Variants in NRXN1 observed in about 807,000 individuals in gnomAD.
NRXN1 encodes the protein neurexin 1.
Under a neutral mutation model 150.9 loss-of-function variants are expected in NRXN1, and 39 were observed. The observed-to-expected ratio is 0.26, with a 90% CI of 0.20 to 0.34. The LOEUF is 0.34. NRXN1 is among the 10% of genes least tolerant of loss of function. The probability of loss-of-function intolerance (pLI) is 1.00; values close to 1 mark genes in which losing one functional copy is unlikely to be tolerated. For missense variants in NRXN1, 1,815 were observed against 1,949.9 expected, an observed-to-expected ratio of 0.93 and a Z score of 1.30; for synonymous variants, 924 against 757.0, an observed-to-expected ratio of 1.22 and a Z score of -3.62.
At chr2:50,403,620 G>A (rs2082542492) in intron 17 of NRXN1, among the ~76,000 whole-genome samples, 1 of 152,004 alleles carries the variant, frequency 6.6e-6, no homozygotes, top group Admixed American at 6.6e-5. Context: ...ATTTTTATGA[G>A]CCTCAAAAGA....
intron 5 of NRXN1, among the ~76,000 whole-genome samples, chr2:50,840,094 C>G (rs951795941): frequency 6.6e-6 from 1 of 152,092 alleles, no homozygotes; most frequent in Non-Finnish European, 1.5e-5. Flanking sequence ...TTAATAACTC[C>G]TCCTGTAATT....
intron 21 of NRXN1, among the ~76,000 whole-genome samples, chr2:49,993,893 A>T (rs1682466390): frequency 1.3e-5 from 2 of 152,144 alleles, no homozygotes; most frequent in African/African-American, 4.8e-5. Flanking sequence ...GTATCTCTTG[A>T]AGAACTCTTA....
chr2:50,144,311 T>C lies in NRXN1; in HGVS notation c.3547-52817A>G, dbSNP rs118142784. 4.2e-4 allele frequency among the ~76,000 whole-genome samples: 64 copies of C among 151,974 alleles called. No homozygotes were observed. In the East Asian group the frequency reaches 0.012, roughly 29 times the overall value. ...CTTAGTTTCAAGCCCTACCTGAGCC[T>C]TGCCCACGCTACCACCACTCTGTCT... On this transcript the variant is annotated intron_variant, in intron 18 of 22. Transcript: ENST00000401669.
chr2:50,369,133 C>T (rs964907338), intron 17 of NRXN1, among the ~76,000 whole-genome samples: 5 of 151,876 alleles, frequency 3.3e-5, no homozygotes, highest in Non-Finnish European at 7.4e-5. Flanking sequence ...AGAAAATAGA[C>T]TTATGGCTAT....
intron 2 of NRXN1, among the ~76,000 whole-genome samples, chr2:51,025,535 T>G (rs1355434600): frequency 6.6e-6 from 1 of 152,202 alleles, no homozygotes; most frequent in East Asian, 1.9e-4. Context: ...CATATTTGTT[T>G]CCTAATTTAA....
intron 18 of NRXN1, among the ~76,000 whole-genome samples, chr2:50,147,321 T>G (rs186892901): frequency 3.3e-5 from 5 of 151,900 alleles, no homozygotes; most frequent in African/African-American, 1.2e-4. Context: ...GCATTATCTT[T>G]ATCTGTATAG....
chr2:50,631,236 G>C (rs1451348559), intron 5 of NRXN1: 1 of 384,690 alleles, frequency 2.6e-6, no homozygotes, highest in Non-Finnish European at 5.1e-6. Context: ...GAGTAATCAA[G>C]ATTTATAAAA....
chr2:50,516,395 GC>G (rs1434513619), intron 12 of NRXN1, among the ~76,000 whole-genome samples: 2 of 152,116 alleles, frequency 1.3e-5, no homozygotes, highest in Non-Finnish European at 2.9e-5. Flanking sequence ...TATTTTTGAT[GC>G]TTCCTTTAGT....
chr2:50,959,201 G>A (rs561996349), intron 2 of NRXN1, among the ~76,000 whole-genome samples: 1 of 151,990 alleles, frequency 6.6e-6, no homozygotes, highest in Non-Finnish European at 1.5e-5. Context: ...CAGTCTGGTA[G>A]GTTCTTAAAA....
At chr2:50,966,654 T>A (rs538443922) in intron 2 of NRXN1, among the ~76,000 whole-genome samples, 1 of 151,942 alleles carries the variant, frequency 6.6e-6, no homozygotes, top group African/African-American at 2.4e-5. Context: ...GCCCATTTGA[T>A]AAAATTGAGA....
At position 50,966,532 on chromosome 2, in the gene NRXN1, G is replaced by C. The variant is rs1375976006; in HGVS notation, c.773-40577C>G. Among the ~76,000 whole-genome samples the C allele has an allele frequency of 1.5e-4, 23 of 151,754 alleles. No homozygotes were observed. In the East Asian group the frequency reaches 4.4e-3, roughly 29 times the overall value. ...AGAGCACAATCTTCAACTCTCTTCA[G>C]GTTAGATGCTTTAATGGGCATTACA... On this transcript the variant is annotated intron_variant, in intron 2 of 22. Transcript: ENST00000401669.
At chr2:50,975,287 C>T (rs999129634) in intron 2 of NRXN1, among the ~76,000 whole-genome samples, 23 of 152,144 alleles carry the variant, frequency 1.5e-4, no homozygotes, top group Admixed American at 2.6e-4. Context: ...CTTTGGGTCT[C>T]TCAGTAATAT....
intron 2 of NRXN1, among the ~76,000 whole-genome samples, chr2:50,950,988 C>T (rs577621641): frequency 9.2e-5 from 14 of 152,276 alleles, no homozygotes; most frequent in African/African-American, 3.4e-4. Flanking sequence ...TGGAAAATGG[C>T]AGTGGACTGA....
At chr2:50,465,641 T>C in intron 16 of NRXN1, 80 bp from the exon 17 acceptor site, 1 of 1,422,502 alleles carries the variant, frequency 7.0e-7, no homozygotes, top group Non-Finnish European at 9.5e-7. Flanking sequence ...TCACATGTAG[T>C]AGTTGCCAAC....
chr2:50,602,372 A>C (rs1676419850), intron 8 of NRXN1, among the ~76,000 whole-genome samples: 1 of 151,054 alleles, frequency 6.6e-6, no homozygotes, highest in African/African-American at 2.4e-5. Flanking sequence ...ACTGAAAGTT[A>C]GGTGTCTCTA....
At chr2:50,751,735 G>A (rs561946136) in intron 5 of NRXN1, among the ~76,000 whole-genome samples, 182 of 152,010 alleles carry the variant, frequency 1.2e-3, no homozygotes, top group Non-Finnish European at 2.2e-3. Flanking sequence ...CTTACCCATG[G>A]CCAGGAAGAA....
intron 17 of NRXN1, among the ~76,000 whole-genome samples, chr2:50,330,098 A>G (rs2076739446): frequency 6.6e-6 from 1 of 152,166 alleles, no homozygotes; most frequent in Non-Finnish European, 1.5e-5. Context: ...GGAAATTAAT[A>G]TCAACAAAAG....
At chr2:50,093,932 C>A (rs185669313) in intron 18 of NRXN1, among the ~76,000 whole-genome samples, 144 of 152,298 alleles carry the variant, frequency 9.5e-4, no homozygotes, top group African/African-American at 3.3e-3. Context: ...GAGTTTAGGA[C>A]TGTTGTGCCA....
chr2:50,964,738 A>G (rs1693781023), intron 2 of NRXN1, among the ~76,000 whole-genome samples: 1 of 151,476 alleles, frequency 6.6e-6, no homozygotes, highest in South Asian at 2.1e-4. Context: ...TTCAGGTGGA[A>G]TTTTACCTTG....
Sources: gnomAD v4.1 joint callset for allele counts (sites outside exome capture counted in the v4.1 genomes callset) on GRCh38, gnomAD v4.1.1 for gene constraint, MANE v1.5 for transcripts, NCBI Gene and HGNC (gene_info 2026-07-23, HGNC 2026-07-21) for gene names.